The following NLRP6 variants were observed in gnomAD, a reference collection of about 807,000 sequenced individuals.
NLRP6 encodes the protein NLR family pyrin domain containing 6, also known as NACHT, LRR and PYD domains-containing protein 6.
A neutral mutation model predicts 70.9 loss-of-function variants in NLRP6; 55 were observed. The ratio of observed to expected loss-of-function variants is 0.78; its 90% CI spans 0.62 to 0.97. NLRP6 has a LOEUF of 0.97. Among genes scored for constraint, NLRP6 ranks in the 50% least tolerant of loss-of-function variants. The probability of loss-of-function intolerance (pLI) is 0.00; values close to 1 mark genes in which losing one functional copy is unlikely to be tolerated. For missense variants in NLRP6, 1,241 were observed against 1,238.3 expected (o/e 1.00, Z -0.03); for synonymous variants, 652 against 581.9 (o/e 1.12, Z -1.73).
intron 5 of NLRP6, 29 bp from the exon 6 acceptor site, chr11:284,201 A>G: frequency 6.2e-7 from 1 of 1,608,676 alleles, no homozygotes; most frequent in Non-Finnish European, 8.5e-7. Context: ...AGGCGCCTGC[A>G]GGTAAATCTC....
At chr11:285,023 G>A (rs1845537895) in intron 7 of NLRP6, 143 bp from the exon 8 acceptor site, 1 of 671,782 alleles carries the variant, frequency 1.5e-6, no homozygotes, top group Non-Finnish European at 2.5e-6. Context: ...CAAGCTGACA[G>A]CCCAGTCACT....
chr11:285,206 C>G lies in NLRP6; in HGVS notation c.2578C>G (p.Leu860Val). 2 of 1,598,224 alleles carry G rather than the reference C, an allele frequency of 1.3e-6. No individual in the cohort carries two copies. The highest frequency in any genetic ancestry group is 2.3e-5 in the South Asian group (2 of 88,584). Reference sequence around the variant, plus strand: ...GCTGAGCGAGCAGTCACTACAGGAGCTTCAGGCTGTGAAGAGAGCAAAGCC... The same window carrying G: ...GCTGAGCGAGCAGTCACTACAGGAGGTTCAGGCTGTGAAGAGAGCAAAGCC... ...VELSEQSLQE[L>V]QAVKRAKPDL... Residue 860 changes from leucine to valine, a missense_variant, in exon 8 of 8, where the codon CTT (leucine) becomes GTT (valine). Transcript: ENST00000534750.
chr11:280,620 A>C lies in NLRP6; in HGVS notation c.886A>C (p.Thr296Pro), dbSNP rs1275246902. The C allele has an allele frequency of 6.0e-6, 9 of 1,496,430 alleles. No individual in the cohort carries two copies. Among genetic ancestry groups the C allele is most frequent in the Non-Finnish European group, 7.1e-6 (8 of 1,132,590 alleles). 92.7% of individuals were successfully genotyped at this position (1,496,430 alleles called of 1,614,324 possible). ...ALGGPEAAPC[T>P]DPFEAASGAR... ...GGGGGGCCCCGAGGCCGCGCCCTGC[A>C]CAGACCCCTTCGAGGCGGCGAGCGG... The change falls in exon 4 of 8, where the codon ACA becomes CCA. Residue 296 changes from threonine to proline, a missense_variant. Coordinates refer to ENST00000534750, the MANE Select transcript of NLRP6 (RefSeq NM_001276700.2).
At position 284,332 on chromosome 11, in the gene NLRP6, C is replaced by T. The variant is rs1301901837; in HGVS notation, c.2301C>T (p.Leu767=). 3 of 1,611,990 alleles carry T rather than the reference C, an allele frequency of 1.9e-6. No individual in the cohort carries two copies. Among genetic ancestry groups the T allele is most frequent in the South Asian group, 1.1e-5 (1 of 91,064 alleles). ...AGCTGGGCCTCCTCCACAACAGGCT[C>T]AGTGAGGCGGGACTGCGTATGCTGA... The part of the protein sequence containing the change: ...LTELGLLHNR[L]SEAGLRMLSE... Residue 767 remains leucine, a synonymous_variant, in exon 6 of 8, where the codon CTC becomes CTT. Transcript: ENST00000534750.
chr11:281,118 G>A lies in NLRP6; in HGVS notation c.1384G>A (p.Glu462Lys). The change falls in exon 4 of 8, where the codon GAG (glutamate) becomes AAG (lysine). Residue 462 changes from glutamate (E) to lysine (K), a missense_variant. Glu to Lys is a moderately conservative substitution (Grantham distance 56). Coordinates refer to ENST00000534750, the MANE Select transcript of NLRP6 (RefSeq NM_001276700.2). Reference sequence around the variant, plus strand: ...CCTCGGACGCAGGGCGCAGTTTGCCGAGAAGGAACTGGAGCAACTGGAGCT... The same window carrying A: ...CCTCGGACGCAGGGCGCAGTTTGCCAAGAAGGAACTGGAGCAACTGGAGCT... The part of the protein sequence containing the change: ...GVLGRRAQFA[E>K]KELEQLELRG... 1 of 1,612,854 alleles carries A rather than the reference G, an allele frequency of 6.2e-7. No homozygotes were observed. Among genetic ancestry groups the A allele is most frequent in the East Asian group, 2.2e-5 (1 of 44,872 alleles).
chr11:283,319 T>C (rs1845504990), intron 5 of NLRP6, among the ~76,000 whole-genome samples: 1 of 148,220 alleles, frequency 6.7e-6, no homozygotes, highest in Admixed American at 6.7e-5. Context: ...TTCTTTTTTT[T>C]TTTTTTTTTT....
chr11:280,087 A>C lies in NLRP6; in HGVS notation c.353A>C (p.Tyr118Ser). 6.7e-7 allele frequency: 1 copy of C among 1,499,842 alleles called. No individual in the cohort carries two copies. Among genetic ancestry groups the C allele is most frequent in the Non-Finnish European group, 8.9e-7 (1 of 1,125,934 alleles). The allele number at this position is 1,499,842 out of a possible 1,614,324, so 92.9% of individuals were successfully genotyped here. A position where few individuals can be genotyped will look rare whatever the true frequency, so the allele number is the denominator to read the frequency against. ...CGCTGTCTCCCGCTGCGCCCAGAGT[A>C]CAAGAAGAAGTACCGGGAGCACGTG... Reference protein sequence around the residue: ...GSGTLLSVSEYKKKYREHVLQ... With the variant: ...GSGTLLSVSESKKKYREHVLQ... The change falls in exon 4 of 8, where the codon TAC (tyrosine) becomes TCC (serine). Residue 118 changes from tyrosine to serine, a missense_variant. Transcript: ENST00000534750.
Position 279,369 on chromosome 11 carries a change from T to G in NLRP6, c.72T>G (p.Ala24=). 1 of 1,311,006 alleles carries G rather than the reference T, an allele frequency of 7.6e-7. No individual in the cohort carries two copies. The highest frequency in any genetic ancestry group is 3.1e-5 in the East Asian group (1 of 31,868). 81.2% of individuals were successfully genotyped at this position (1,311,006 alleles called of 1,614,324 possible). The change falls in exon 2 of 8, where the codon GCT becomes GCG. Residue 24 remains alanine (A), a synonymous_variant. Coordinates refer to ENST00000534750, the MANE Select transcript of NLRP6 (RefSeq NM_001276700.2). The part of the protein sequence containing the change: ...RLAVARELLL[A]ALEELSQEQL... Reference sequence around the variant, plus strand: ...CGGTGGCCCGCGAGCTGCTCCTGGCTGCGCTGGAGGAACTGAGCCAAGAGC... The same window carrying G: ...CGGTGGCCCGCGAGCTGCTCCTGGCGGCGCTGGAGGAACTGAGCCAAGAGC...
Position 281,005 on chromosome 11 carries a change from C to T in NLRP6, c.1271C>T (p.Thr424Ile). The change falls in exon 4 of 8, where the codon ACC becomes ATC. Residue 424 changes from threonine to isoleucine, a missense_variant. Coordinates refer to ENST00000534750, the MANE Select transcript of NLRP6 (RefSeq NM_001276700.2). ...TTTSVYLLFI[T>I]SVLSSAPVAD... Reference sequence around the variant, plus strand: ...ACGTCAGTGTACCTGCTTTTCATCACCAGCGTTCTGAGCTCGGCTCCGGTA... The same window carrying T: ...ACGTCAGTGTACCTGCTTTTCATCATCAGCGTTCTGAGCTCGGCTCCGGTA... 6.2e-7 allele frequency: 1 copy of T among 1,613,104 alleles called. No individual in the cohort carries two copies. The highest frequency in any genetic ancestry group is 8.5e-7 in the Non-Finnish European group (1 of 1,179,982).
In NLRP6 at chr11:280,349, C is replaced by T; in HGVS notation, c.615C>T (p.Gly205=). 1 of 1,525,470 alleles carries T rather than the reference C, an allele frequency of 6.6e-7. No individual in the cohort carries two copies. Among genetic ancestry groups the T allele is most frequent in the Non-Finnish European group, 8.8e-7 (1 of 1,139,094 alleles). The allele number at this position is 1,525,470 out of a possible 1,614,324, so 94.5% of individuals were successfully genotyped here. The stretch of plus-strand genomic sequence containing the variant: ...CCGTGGTGCTGCAGGGCCCGGCGGG[C>T]ATCGGCAAGACCATGGCGGCCAAAA... The part of the protein sequence containing the change: ...PLTVVLQGPA[G]IGKTMAAKKI... Residue 205 remains glycine (G), a synonymous_variant, in exon 4 of 8, where the codon GGC becomes GGT. Transcript: ENST00000534750.
rs771333571 is a variant in NLRP6 at position 284,404 on chromosome 11, A to G, written c.2369+4A>G. On this transcript the variant is annotated splice_donor_region_variant and intron_variant, in intron 6 of 7. Transcript: ENST00000534750. Reference sequence around the variant, plus strand: ...AGTGCAGGGTGCAGACGGTCAGGTGAGGCCTGGCCTGGGAGGGACCGTGGG... The same window carrying G: ...AGTGCAGGGTGCAGACGGTCAGGTGGGGCCTGGCCTGGGAGGGACCGTGGG... 6.3e-6 allele frequency: 10 copies of G among 1,597,878 alleles called. No individual in the cohort carries two copies. In the South Asian group the frequency reaches 1.1e-4, roughly 18 times the overall value.
In NLRP6 at chr11:278,573, G is replaced by C. The variant is rs777737327; in HGVS notation, c.4G>C (p.Asp2His). M[D>H]QPEAPCSSTG... ...GACCCAGGGAGGAAGAGACCCCATG[G>C]ACCAGCCAGAGGCCCCCTGCTCCAG... Residue 2 changes from aspartate to histidine, a missense_variant, in exon 1 of 8, where the codon GAC becomes CAC. Transcript: ENST00000534750. The surrounding 1 kb of genome is among the most constrained non-coding windows in gnomAD (Gnocchi z 4.7). 2 of 1,590,502 alleles carry C rather than the reference G, an allele frequency of 1.3e-6. No homozygotes were observed. The highest frequency in any genetic ancestry group is 1.1e-5 in the South Asian group (1 of 87,968).
rs557877448 is a variant in NLRP6, at chr11:278,943, G to A, written c.29+345G>A. The A allele has an allele frequency of 5.7e-6, 2 of 350,942 alleles. No individual in the cohort carries two copies. Among genetic ancestry groups the A allele is most frequent in the Non-Finnish European group, 1.0e-5 (2 of 195,040 alleles). 21.7% of individuals were successfully genotyped at this position (350,942 alleles called of 1,614,324 possible). On this transcript the variant is annotated intron_variant, in intron 1 of 7. Transcript: ENST00000534750. This position sits in a 1 kb window ranked among gnomAD's most constrained non-coding sequence, Gnocchi z 4.7. ...CGGGAAGAGAGGGAAAAGAAGGAAAGCGAGGAAAGAGAGCTCAGGGTTCCT... is the reference window on the plus strand; with the variant it reads ...CGGGAAGAGAGGGAAAAGAAGGAAAACGAGGAAAGAGAGCTCAGGGTTCCT...
rs201815662 is a variant in NLRP6, at chr11:280,677, G to A, written c.943G>A (p.Ala315Thr). 7.7e-6 allele frequency: 12 copies of A among 1,556,028 alleles called. No homozygotes were observed. The Admixed American group carries it at 9.9e-5, about 13-fold the overall frequency. The change falls in exon 4 of 8, where the codon GCG (alanine) becomes ACG (threonine). Residue 315 changes from alanine to threonine, a missense_variant. Ala to Thr is a moderately conservative substitution (Grantham distance 58). Transcript: ENST00000534750. ...GGTGCTAGGCGGGCTGCTGAGCAAG[G>A]CGCTGCTGCCCACGGCCCTCCTGCT... The part of the protein sequence containing the change: ...ARVLGGLLSK[A>T]LLPTALLLVT...
At position 280,862 on chromosome 11, in the gene NLRP6, G is replaced by A. The variant is rs772674366; in HGVS notation, c.1128G>A (p.Lys376=). The A allele has an allele frequency of 3.7e-6, 6 of 1,613,496 alleles. No homozygotes were observed. Among genetic ancestry groups the A allele is most frequent in the African/African-American group, 1.3e-5 (1 of 75,074 alleles). The change falls in exon 4 of 8, where the codon AAG becomes AAA. Residue 376 remains lysine (K), a synonymous_variant. Transcript: ENST00000534750. ...RRAERAYRFV[K]ENETLFALCF... ...CCGAGCGCGCCTACCGCTTCGTGAAGGAGAACGAGACGCTGTTCGCGCTGT... is the reference window on the plus strand; with the variant it reads ...CCGAGCGCGCCTACCGCTTCGTGAAAGAGAACGAGACGCTGTTCGCGCTGT...
rs770069357 is a variant in NLRP6 at position 284,311 on chromosome 11, G to C, written c.2280G>C (p.Leu760=). 32 of 1,612,380 alleles carry C rather than the reference G, an allele frequency of 2.0e-5. No homozygotes were observed. Among genetic ancestry groups the C allele is most frequent in the Non-Finnish European group, 2.7e-5 (32 of 1,179,896 alleles). The change falls in exon 6 of 8, where the codon CTG becomes CTC. Residue 760 remains leucine (L), a synonymous_variant. Transcript: ENST00000534750. ...ALRAAPALTE[L]GLLHNRLSEA... The stretch of plus-strand genomic sequence containing the variant: ...GGGCAGCCCCCGCACTGACGGAGCT[G>C]GGCCTCCTCCACAACAGGCTCAGTG...
In NLRP6 at chr11:281,459, C is replaced by A. The variant is rs868265454; in HGVS notation, c.1725C>A (p.Ala575=). ...TTTCAGAGCGTGTGAAGCAGGAGGC[C>A]CTGCGGTGGGTGCAGGGACAGGGAC... ...CMVSERVKQE[A]LRWVQGQGQG... is the part of the protein sequence containing the mutation. Residue 575 remains alanine, a synonymous_variant, in exon 4 of 8, where the codon GCC becomes GCA. Coordinates refer to ENST00000534750, the MANE Select transcript of NLRP6 (RefSeq NM_001276700.2). 6.3e-7 allele frequency: 1 copy of A among 1,598,896 alleles called. No individual in the cohort carries two copies. Among genetic ancestry groups the A allele is most frequent in the Non-Finnish European group, 8.5e-7 (1 of 1,171,344 alleles).
chr11:284,813 G>C (rs1342551622), intron 7 of NLRP6, among the ~76,000 whole-genome samples, 171 bp downstream of exon 7: 1 of 152,214 alleles, frequency 6.6e-6, no homozygotes, highest in East Asian at 1.9e-4. Context: ...CCTGCCCTCT[G>C]AAGCCCTGGC....
chr11:284,143 C>T lies in NLRP6; in HGVS notation c.2199-87C>T, dbSNP rs1455171003. 23 of 1,245,178 alleles carry T rather than the reference C, an allele frequency of 1.8e-5. 1 individual carries two copies. The highest frequency in any genetic ancestry group is 3.8e-4 in the Middle Eastern group (2 of 5,294). The allele number at this position is 1,245,178 out of a possible 1,614,324, so 77.1% of individuals were successfully genotyped here. A position where few individuals can be genotyped will look rare whatever the true frequency, so the allele number is the denominator to read the frequency against. ...ACACATCTCTCAGCTGAACCCTGGG[C>T]CACCGGGCAGCGGGCATTTTGTGCA... On this transcript the variant is annotated intron_variant, in intron 5 of 7. Coordinates refer to ENST00000534750, the MANE Select transcript of NLRP6 (RefSeq NM_001276700.2).
Sources: allele counts gnomAD v4.1 joint callset (sites outside exome capture counted in the v4.1 genomes callset), GRCh38; gene constraint gnomAD v4.1.1; non-coding constraint Gnocchi (gnomAD v3.1); transcripts MANE v1.5; gene names NCBI Gene and HGNC (gene_info 2026-07-23, HGNC 2026-07-21).